MFHAS1: variants seen among roughly 807,000 people sequenced by gnomAD.
The protein encoded by MFHAS1 is multifunctional ROCO family signaling regulator 1, also known as malignant fibrous histiocytoma-amplified sequence 1.
Under a neutral mutation model 70.4 loss-of-function variants are expected in MFHAS1, and 50 were observed. The observed-to-expected ratio is 0.71, with a 90% CI of 0.57 to 0.90. MFHAS1 has a LOEUF of 0.90. Ranked by LOEUF, MFHAS1 falls within the 40% of genes least tolerant of loss-of-function variation. The pLI, the probability that MFHAS1 is intolerant of heterozygous loss-of-function variation, is 0.00. For synonymous variants in MFHAS1, 952 were observed against 620.0 expected (o/e 1.54, Z -7.96); for missense variants, 1,795 against 1,347.6 (o/e 1.33, Z -5.20).
At chr8:8,822,126 C>T (rs1806978956) in intron 1 of MFHAS1, 1 of 152,316 alleles carries the variant, frequency 6.6e-6, no homozygotes, top group Non-Finnish European at 1.5e-5. Flanking sequence ...CACGGGCAGC[C>T]AATTCCTCTG....
In MFHAS1 at chr8:8,784,944, G is replaced by A. The variant is rs750510318; in HGVS notation, c.*1078C>T. On this transcript the variant is annotated 3_prime_UTR_variant, in exon 3 of 3. Coordinates refer to ENST00000276282, the MANE Select transcript of MFHAS1 (RefSeq NM_004225.3). ...GAGGCTCTGTATTTATAAATAACCCGTGTGGGATTATGCTCTCCAGTGAAT... is the reference window on the plus strand; with the variant it reads ...GAGGCTCTGTATTTATAAATAACCCATGTGGGATTATGCTCTCCAGTGAAT... The A allele has an allele frequency of 1.3e-5, 2 of 152,142 alleles. No homozygotes were observed. The highest frequency in any genetic ancestry group is 2.9e-5 in the Non-Finnish European group (2 of 68,030). The allele number at this position is 152,142 out of a possible 1,614,324, so 9.4% of individuals were successfully genotyped here.
At chr8:8,786,824 G>C (rs1359369988) in intron 2 of MFHAS1, among the ~76,000 whole-genome samples, 1 of 151,620 alleles carries the variant, frequency 6.6e-6, no homozygotes, top group Non-Finnish European at 1.5e-5. Context: ...TGATTTCATG[G>C]ACACTGATAA....
intron 1 of MFHAS1, among the ~76,000 whole-genome samples, chr8:8,800,868 G>A (rs754845730): frequency 1.3e-5 from 2 of 152,168 alleles, no homozygotes; most frequent in South Asian, 2.1e-4. Flanking sequence ...GGTGCAGCAG[G>A]CTTCTTGGCT....
At chr8:8,836,945 A>T (rs1341000132) in intron 1 of MFHAS1, among the ~76,000 whole-genome samples, 1 of 152,192 alleles carries the variant, frequency 6.6e-6, no homozygotes, top group Non-Finnish European at 1.5e-5. Context: ...AAGACATATT[A>T]AGTCTCATTC....
intron 1 of MFHAS1, among the ~76,000 whole-genome samples, chr8:8,844,889 T>A (rs1040594432): frequency 6.6e-6 from 1 of 152,006 alleles, no homozygotes; most frequent in Non-Finnish European, 1.5e-5. Flanking sequence ...GTCAGTGAGG[T>A]TGTTGCTGTA....
chr8:8,789,140 G>A (rs1007717529), intron 2 of MFHAS1, among the ~76,000 whole-genome samples: 1 of 151,998 alleles, frequency 6.6e-6, no homozygotes, highest in East Asian at 1.9e-4. Context: ...GGTGGCTGGG[G>A]GGGTTGGGCC....
At chr8:8,792,811 G>C (rs192270718) in intron 2 of MFHAS1, among the ~76,000 whole-genome samples, 333 of 152,214 alleles carry the variant, frequency 2.2e-3, no homozygotes, top group Non-Finnish European at 3.7e-3. Flanking sequence ...TTCTGGTATG[G>C]AAATTATACA....
intron 1 of MFHAS1, among the ~76,000 whole-genome samples, chr8:8,831,371 T>G (rs1022385901): frequency 3.3e-5 from 5 of 152,050 alleles, no homozygotes; most frequent in African/African-American, 1.2e-4. Context: ...AATAATGCAT[T>G]TGATAAAAGT....
At position 8,890,651 on chromosome 8, in the gene MFHAS1, A is replaced by G; in HGVS notation, c.2408T>C (p.Ile803Thr). 1 of 1,613,638 alleles carries G rather than the reference A, an allele frequency of 6.2e-7. No individual in the cohort carries two copies. Among genetic ancestry groups the G allele is most frequent in the South Asian group, 1.1e-5 (1 of 91,086 alleles). ...GACATGAGGCTTAAGCAGCAACCGA[A>G]TGACATGAGCTGGCAAGAGCCCATG... ...LLHGLLPAHV[I>T]RLLLKPHVQA... is the part of the protein sequence containing the mutation. The change falls in exon 1 of 3, where the codon ATT becomes ACT. Residue 803 changes from isoleucine (I) to threonine (T), a missense_variant. Physicochemically the swap from Ile to Thr is moderately conservative, Grantham distance 89. Transcript: ENST00000276282.
Position 8,785,704 on chromosome 8 carries a change from C to T in MFHAS1, c.*318G>A, listed in dbSNP as rs1047117238. On this transcript the variant is annotated 3_prime_UTR_variant, in exon 3 of 3. Coordinates refer to ENST00000276282, the MANE Select transcript of MFHAS1 (RefSeq NM_004225.3). ...GTACTGTAACTATGGCTTATATGTG[C>T]ACGGAAAACAAAATCCCTGAGAAGC... The T allele has an allele frequency of 2.9e-6, 1 of 345,786 alleles. No homozygotes were observed. Among genetic ancestry groups the T allele is most frequent in the African/African-American group, 2.1e-5 (1 of 48,618 alleles). The allele number at this position is 345,786 out of a possible 1,614,324, so 21.4% of individuals were successfully genotyped here.
chr8:8,804,834 A>G (rs1157780882), intron 1 of MFHAS1, among the ~76,000 whole-genome samples: 2 of 152,184 alleles, frequency 1.3e-5, no homozygotes, highest in Admixed American at 6.5e-5. Flanking sequence ...TTTTCCTTTC[A>G]TGGCAGGTGC....
At chr8:8,843,511 G>A (rs1263584339) in intron 1 of MFHAS1, among the ~76,000 whole-genome samples, 1 of 152,194 alleles carries the variant, frequency 6.6e-6, no homozygotes, top group African/African-American at 2.4e-5. Context: ...AGCCCAGGAG[G>A]TTAAGGCCGT....
At position 8,892,883 on chromosome 8, in the gene MFHAS1, G is replaced by T; in HGVS notation, c.176C>A (p.Pro59Gln). 1 of 1,582,866 alleles carries T rather than the reference G, an allele frequency of 6.3e-7. No individual in the cohort carries two copies. Among genetic ancestry groups the T allele is most frequent in the Non-Finnish European group, 8.6e-7 (1 of 1,166,780 alleles). ...ESPASPQLVL[P>Q]ANLGDIEALN... ...TGCCTCAATGTCCCCGAGGTTGGCCGGCAGCACGAGCTGGGGGGAGGCGGG... is the reference window on the plus strand; with the variant it reads ...TGCCTCAATGTCCCCGAGGTTGGCCTGCAGCACGAGCTGGGGGGAGGCGGG... Residue 59 changes from proline to glutamine, a missense_variant, in exon 1 of 3, where the codon CCG (proline) becomes CAG (glutamine). Transcript: ENST00000276282. This position sits in a 1 kb window ranked among gnomAD's most constrained non-coding sequence, Gnocchi z 4.7.
Position 8,808,197 on chromosome 8 carries a change from G to A in MFHAS1, c.2999-10706C>T, listed in dbSNP as rs968307771. 2.4e-5 allele frequency among the ~76,000 whole-genome samples: 3 copies of A among 126,124 alleles called. 1 individual carries two copies. The highest frequency in any genetic ancestry group is 7.8e-5 in the Admixed American group (1 of 12,776). The allele number at this position is 126,124 out of a possible 152,430, so 82.7% of individuals were successfully genotyped here. A position where few individuals can be genotyped will look rare whatever the true frequency, so the allele number is the denominator to read the frequency against. On this transcript the variant is annotated intron_variant, in intron 1 of 2. Transcript: ENST00000276282. ...TCCCCTGGGAACCCTCCTCTGCCCAGTGCCCCCACACTGTAGACGCTCCCC... is the reference window on the plus strand; with the variant it reads ...TCCCCTGGGAACCCTCCTCTGCCCAATGCCCCCACACTGTAGACGCTCCCC...
chr8:8,859,694 G>C (rs1242267761), intron 1 of MFHAS1, among the ~76,000 whole-genome samples: 1 of 152,028 alleles, frequency 6.6e-6, no homozygotes, highest in African/African-American at 2.4e-5. Flanking sequence ...CTTTGCTCTA[G>C]TTTACTATAT....
At chr8:8,889,600 C>T (rs1809908675) in intron 1 of MFHAS1, among the ~76,000 whole-genome samples, 1 of 152,196 alleles carries the variant, frequency 6.6e-6, no homozygotes, top group Non-Finnish European at 1.5e-5. Flanking sequence ...AACCTATGTA[C>T]TCACGAAAAT....
chr8:8,815,048 G>C (rs989059336), intron 1 of MFHAS1, among the ~76,000 whole-genome samples: 2 of 152,014 alleles, frequency 1.3e-5, no homozygotes, highest in Non-Finnish European at 2.9e-5. Context: ...CCCAGTGTGT[G>C]TTGTTTCCCT....
chr8:8,785,943 G>T lies in MFHAS1; in HGVS notation c.*79C>A. 1 of 1,438,932 alleles carries T rather than the reference G, an allele frequency of 6.9e-7. No homozygotes were observed. The highest frequency in any genetic ancestry group is 9.7e-7 in the Non-Finnish European group (1 of 1,027,842). 89.1% of individuals were successfully genotyped at this position (1,438,932 alleles called of 1,614,324 possible). On this transcript the variant is annotated 3_prime_UTR_variant, in exon 3 of 3. Coordinates refer to ENST00000276282, the MANE Select transcript of MFHAS1 (RefSeq NM_004225.3). The stretch of plus-strand genomic sequence containing the variant: ...CACAGAACACGCTGGGGTGAGTGCA[G>T]AGGGTCTGCCAGGTGCAAAAGATGG...
Position 8,891,510 on chromosome 8 carries a change from C to T in MFHAS1, c.1549G>A (p.Gly517Ser). The T allele has an allele frequency of 6.2e-7, 1 of 1,613,102 alleles. No homozygotes were observed. The change falls in exon 1 of 3, where the codon GGC becomes AGC. Residue 517 changes from glycine (G) to serine (S), a missense_variant. Coordinates refer to ENST00000276282, the MANE Select transcript of MFHAS1 (RefSeq NM_004225.3). The surrounding 1 kb of genome is among the most constrained non-coding windows in gnomAD (Gnocchi z 5.4). ...GCCCCGACCCGATGCAAGAAGGAGCCCACGGTGGTAGGAAAGTGGCGAGGC... is the reference window on the plus strand; with the variant it reads ...GCCCCGACCCGATGCAAGAAGGAGCTCACGGTGGTAGGAAAGTGGCGAGGC... The part of the protein sequence containing the change: ...YEPRHFPTTV[G>S]SFLHRVGARV...
Sources: gnomAD v4.1 joint callset for allele counts (sites outside exome capture counted in the v4.1 genomes callset) on GRCh38, gnomAD v4.1.1 for gene constraint, Gnocchi (gnomAD v3.1) non-coding constraint, MANE v1.5 for transcripts, NCBI Gene and HGNC (gene_info 2026-07-23, HGNC 2026-07-21) for gene names.